NUB1: variants seen among roughly 807,000 people sequenced by gnomAD.
NUB1 encodes negative regulator of ubiquitin like proteins 1, also known as NEDD8 ultimate buster 1.
A neutral mutation model predicts 77.1 loss-of-function variants in NUB1; 41 were observed. The observed-to-expected ratio is 0.53, with a 90% CI of 0.41 to 0.69. The LOEUF is 0.69. Ranked by LOEUF, NUB1 falls within the 30% of genes least tolerant of loss-of-function variation. NUB1 has a pLI of 0.00. For missense variants in NUB1, 643 were observed against 743.8 expected, an observed-to-expected ratio of 0.86 and a Z score of 1.58; for synonymous variants, 257 against 281.0, an observed-to-expected ratio of 0.91 and a Z score of 0.85.
intron 2 of NUB1, among the ~76,000 whole-genome samples, chr7:151,346,890 G>A (rs1306426795): frequency 6.6e-6 from 1 of 152,214 alleles, no homozygotes; most frequent in African/African-American, 2.4e-5. Flanking sequence ...ACAAAAGTAT[G>A]GGTAACCTGG....
chr7:151,345,237 G>C (rs1796448866), intron 1 of NUB1, 111 bp from the exon 2 acceptor site: 2 of 639,754 alleles, frequency 3.1e-6, no homozygotes, highest in Non-Finnish European at 5.5e-6. Flanking sequence ...TATATTTAAT[G>C]ACAGAGGAAG....
At position 151,377,313 on chromosome 7, in the gene NUB1, A is replaced by G. The variant is rs1370370396; in HGVS notation, c.*88A>G. On this transcript the variant is annotated 3_prime_UTR_variant, in exon 15 of 15. Transcript: ENST00000568733. ...GCAGCTCTTTCTGTTCTTACTTTTTATCTGAATTACAAGTCCTCTTTGGGT... is the reference window on the plus strand; with the variant it reads ...GCAGCTCTTTCTGTTCTTACTTTTTGTCTGAATTACAAGTCCTCTTTGGGT... 3.1e-6 allele frequency: 3 copies of G among 958,698 alleles called. No individual in the cohort carries two copies. The highest frequency in any genetic ancestry group is 3.0e-6 in the Non-Finnish European group (2 of 667,640). 59.4% of individuals were successfully genotyped at this position (958,698 alleles called of 1,614,324 possible). A position where few individuals can be genotyped will look rare whatever the true frequency, so the allele number is the denominator to read the frequency against.
rs937272427 is a variant in NUB1, at chr7:151,377,887, A to G, written c.*662A>G. 3 of 152,224 alleles carry G rather than the reference A, an allele frequency of 2.0e-5. No homozygotes were observed. Among genetic ancestry groups the G allele is most frequent in the African/African-American group, 7.2e-5 (3 of 41,446 alleles). 9.4% of individuals were successfully genotyped at this position (152,224 alleles called of 1,614,324 possible). On this transcript the variant is annotated 3_prime_UTR_variant, in exon 15 of 15. Transcript: ENST00000568733. The stretch of plus-strand genomic sequence containing the variant: ...TTCAAGATTGAGTGTCAGGCTTTAT[A>G]TATATTCAGCATTCCTCATTACAGA...
At chr7:151,358,125 C>T (rs770586255) in intron 7 of NUB1, among the ~76,000 whole-genome samples, 5 of 151,848 alleles carry the variant, frequency 3.3e-5, no homozygotes, top group Non-Finnish European at 5.9e-5. Context: ...ACAGTGCACG[C>T]CACCATGCCC....
intron 3 of NUB1, 113 bp downstream of exon 3, chr7:151,349,353 C>T: frequency 1.1e-6 from 1 of 878,464 alleles, no homozygotes; most frequent in Non-Finnish European, 1.8e-6. Context: ...TTTTAAGTGA[C>T]TTTACATATT....
chr7:151,364,983 A>ATTTTATTTTTT (rs1563023599), intron 8 of NUB1, among the ~76,000 whole-genome samples: 1 of 151,026 alleles, frequency 6.6e-6, no homozygotes, highest in African/African-American at 2.4e-5. Flanking sequence ...GAAATTTTTT[A>ATTTTATTTTTT]TTTTTATAAT....
intron 1 of NUB1, 129 bp downstream of exon 1, chr7:151,341,975 C>G (rs1050522514): frequency 7.6e-7 from 1 of 1,313,248 alleles, no homozygotes; most frequent in Non-Finnish European, 9.7e-7. Flanking sequence ...GGTGAGCAGC[C>G]ATGCGTGGAG....
chr7:151,376,204 G>T, intron 13 of NUB1: 1 of 489,348 alleles, frequency 2.0e-6, no homozygotes, highest in South Asian at 2.2e-5. Context: ...ACCACTGTTT[G>T]CATCAGCCTC....
Position 151,377,416 on chromosome 7 carries a change from T to C in NUB1, c.*191T>C, listed in dbSNP as rs753334894. On this transcript the variant is annotated 3_prime_UTR_variant, in exon 15 of 15. Coordinates refer to ENST00000568733, the MANE Select transcript of NUB1 (RefSeq NM_001243351.2). The stretch of plus-strand genomic sequence containing the variant: ...GCGTGGTCTCGGGGAAGAAGCTTCC[T>C]CTGGCCTGGCGCAGGCCGTTCCATC... 1 of 468,106 alleles carries C rather than the reference T, an allele frequency of 2.1e-6. No homozygotes were observed. Among genetic ancestry groups the C allele is most frequent in the Non-Finnish European group, 3.8e-6 (1 of 265,716 alleles). 29.0% of individuals were successfully genotyped at this position (468,106 alleles called of 1,614,324 possible).
At position 151,378,052 on chromosome 7, in the gene NUB1, G is replaced by GT. The variant is rs1036152754; in HGVS notation, c.*833dup. The GT allele has an allele frequency of 7.6e-4, 116 of 152,176 alleles. No homozygotes were observed. The highest frequency in any genetic ancestry group is 2.7e-3 in the African/African-American group (110 of 41,404). The allele number at this position is 152,176 out of a possible 1,614,324, so 9.4% of individuals were successfully genotyped here. A position where few individuals can be genotyped will look rare whatever the true frequency, so the allele number is the denominator to read the frequency against. On this transcript the variant is annotated 3_prime_UTR_variant, in exon 15 of 15. Coordinates refer to ENST00000568733, the MANE Select transcript of NUB1 (RefSeq NM_001243351.2). Reference sequence around the variant, plus strand: ...AGAGATTTAGATATATTTTCTCCAGGTTTTTTGTGGGTTTTCTTTGTTGTT... The same window carrying GT: ...AGAGATTTAGATATATTTTCTCCAGGTTTTTTTGTGGGTTTTCTTTGTTGTT...
At chr7:151,360,456 AG>A in intron 8 of NUB1, 1 of 470,172 alleles carries the variant, frequency 2.1e-6, no homozygotes, top group African/African-American at 1.9e-5. Context: ...ATTTTCAAGC[AG>A]GTAGGATATC....
At chr7:151,358,270 C>A (rs1797183413) in intron 7 of NUB1, among the ~76,000 whole-genome samples, 1 of 152,192 alleles carries the variant, frequency 6.6e-6, no homozygotes, top group South Asian at 2.1e-4. Context: ...CTGTGCCCGG[C>A]CAATGTTTGT....
At chr7:151,373,701 C>T (rs374431711) in intron 11 of NUB1, among the ~76,000 whole-genome samples, 5 of 152,324 alleles carry the variant, frequency 3.3e-5, no homozygotes, top group African/African-American at 4.8e-5. Context: ...GCCTTCCCAC[C>T]GCGTGCAGAA....
intron 3 of NUB1, among the ~76,000 whole-genome samples, chr7:151,350,368 A>G (rs1010479578): frequency 1.3e-5 from 2 of 152,058 alleles, no homozygotes; most frequent in South Asian, 2.1e-4. Flanking sequence ...CTGCTAAGTA[A>G]CAGGTGCCTT....
At position 151,374,120 on chromosome 7, in the gene NUB1, G is replaced by C; in HGVS notation, c.1272G>C (p.Glu424Asp). ...AGGAACTGGCCCAAATAAGGAAGGA[G>C]GAAAAAGAGAAGAAAAGACGCCGCC... Reference protein sequence around the residue: ...RREELAQIRKEEKEKKRRRLE... With the variant: ...RREELAQIRKDEKEKKRRRLE... Residue 424 changes from glutamate (E) to aspartate (D), a missense_variant, in exon 12 of 15, where the codon GAG becomes GAC. Physicochemically the swap from Glu to Asp is conservative, Grantham distance 45. Coordinates refer to ENST00000568733, the MANE Select transcript of NUB1 (RefSeq NM_001243351.2). The C allele has an allele frequency of 6.4e-7, 1 of 1,565,526 alleles. No homozygotes were observed. Among genetic ancestry groups the C allele is most frequent in the Non-Finnish European group, 8.7e-7 (1 of 1,155,548 alleles).
Position 151,376,664 on chromosome 7 carries a change from G to C in NUB1, c.1522G>C (p.Ala508Pro). The change falls in exon 14 of 15, where the codon GCC becomes CCC. Residue 508 changes from alanine (A) to proline (P), a missense_variant. Ala to Pro is a conservative substitution (Grantham distance 27). Transcript: ENST00000568733. ...LVYMGFDALV[A>P]EAALRVFRGN... ...GTACATGGGTTTTGATGCACTCGTG[G>C]CCGAAGCTGCGCTGAGAGTGTTCAG... The C allele has an allele frequency of 6.2e-7, 1 of 1,611,386 alleles. No homozygotes were observed. Among genetic ancestry groups the C allele is most frequent in the Non-Finnish European group, 8.5e-7 (1 of 1,178,990 alleles).
intron 12 of NUB1, 186 bp downstream of exon 12, chr7:151,374,429 C>A (rs538050985): frequency 2.6e-6 from 2 of 757,486 alleles, no homozygotes; most frequent in African/African-American, 1.7e-5. Flanking sequence ...CGTGAGGCCC[C>A]ATGCTCAGTG....
rs199876601 is a variant in NUB1 at position 151,374,139 on chromosome 7, C to T, written c.1291C>T (p.Arg431Cys). Reference sequence around the variant, plus strand: ...GAAGGAGGAAAAAGAGAAGAAAAGACGCCGCCTCGAGAACATCAGGTTTCT... The same window carrying T: ...GAAGGAGGAAAAAGAGAAGAAAAGATGCCGCCTCGAGAACATCAGGTTTCT... ...IRKEEKEKKR[R>C]RLENIRFLKG... is the part of the protein sequence containing the mutation. Residue 431 changes from arginine (R) to cysteine (C), a missense_variant, in exon 12 of 15, where the codon CGC (arginine) becomes TGC (cysteine). Coordinates refer to ENST00000568733, the MANE Select transcript of NUB1 (RefSeq NM_001243351.2). 3.0e-4 allele frequency: 465 copies of T among 1,572,290 alleles called. 1 individual carries two copies. The African/African-American group carries it at 3.2e-3, about 11-fold the overall frequency.
In NUB1 at chr7:151,367,120, A is replaced by C; in HGVS notation, c.982A>C (p.Ile328Leu). 1 of 1,611,224 alleles carries C rather than the reference A, an allele frequency of 6.2e-7. No individual in the cohort carries two copies. Among genetic ancestry groups the C allele is most frequent in the East Asian group, 2.2e-5 (1 of 44,850 alleles). The change falls in exon 9 of 15, where the codon ATA (isoleucine) becomes CTA (leucine). Residue 328 changes from isoleucine to leucine, a missense_variant. Ile to Leu is a conservative substitution (Grantham distance 5). Transcript: ENST00000568733. ...YGENHQRLVH[I>L]KGNCGKEKVL... Reference sequence around the variant, plus strand: ...AGAAAATCATCAGAGACTGGTCCACATAAAAGTATGTTCCTGGAATTCATC... The same window carrying C: ...AGAAAATCATCAGAGACTGGTCCACCTAAAAGTATGTTCCTGGAATTCATC...
Sources: gnomAD v4.1 joint callset for allele counts (sites outside exome capture counted in the v4.1 genomes callset) on GRCh38, gnomAD v4.1.1 for gene constraint, MANE v1.5 for transcripts, NCBI Gene and HGNC (gene_info 2026-07-23, HGNC 2026-07-21) for gene names.